Variants in PUS7 observed in about 807,000 individuals in gnomAD.
PUS7 encodes pseudouridine synthase 7, also known as pseudouridylate synthase 7 homolog.
In PUS7, 48 loss-of-function variants were observed where a neutral mutation model predicts 79.8. The observed-to-expected ratio is 0.60, with a 90% CI of 0.48 to 0.76. The LOEUF (loss-of-function observed/expected upper bound fraction) is 0.76. PUS7 is among the 30% of genes least tolerant of loss of function. The probability of loss-of-function intolerance (pLI) is 0.00; values close to 1 mark genes in which losing one functional copy is unlikely to be tolerated. For synonymous variants in PUS7, 286 were observed against 272.2 expected, an observed-to-expected ratio of 1.05 and a Z score of -0.50; for missense variants, 729 against 797.6, an observed-to-expected ratio of 0.91 and a Z score of 1.04.
intron 1 of PUS7, among the ~76,000 whole-genome samples, chr7:105,509,855 G>A (rs1396723196): frequency 6.6e-6 from 1 of 152,086 alleles, no homozygotes; most frequent in Non-Finnish European, 1.5e-5. Context: ...TAGCAACATT[G>A]ACAAGAAACT....
Position 105,478,453 on chromosome 7 carries a change from A to G in PUS7, c.1175+2599T>C, listed in dbSNP as rs139417286. 4.9e-4 allele frequency among the ~76,000 whole-genome samples: 74 copies of G among 152,290 alleles called. 1 individual carries two copies. Among genetic ancestry groups the G allele is most frequent in the African/African-American group, 1.7e-3 (71 of 41,564 alleles). On this transcript the variant is annotated intron_variant, in intron 9 of 15. Transcript: ENST00000469408. ...CCACCAGGAATGTATAAGGGTTCCA[A>G]TTTCTCTAATCCTAACACTTGTTAT...
At chr7:105,494,948 G>C (rs923125408) in intron 6 of PUS7, among the ~76,000 whole-genome samples, 194 bp downstream of exon 6, 6 of 145,366 alleles carry the variant, frequency 4.1e-5, no homozygotes, top group Non-Finnish European at 7.4e-5. Context: ...ATTCACTCCA[G>C]CCTGAGTGAC....
chr7:105,521,367 C>A (rs908444949), intron 1 of PUS7, among the ~76,000 whole-genome samples: 1 of 152,210 alleles, frequency 6.6e-6, no homozygotes, highest in African/African-American at 2.4e-5. Flanking sequence ...CTTCTAAACA[C>A]CTCTGCGCAG....
intron 9 of PUS7, among the ~76,000 whole-genome samples, chr7:105,476,904 A>G (rs770100241): frequency 1.3e-5 from 2 of 152,160 alleles, no homozygotes; most frequent in Non-Finnish European, 2.9e-5. Flanking sequence ...CATTTATTGA[A>G]ATCCTTTCTC....
At chr7:105,518,497 G>T (rs1825979925) in intron 1 of PUS7, among the ~76,000 whole-genome samples, 1 of 151,708 alleles carries the variant, frequency 6.6e-6, no homozygotes, top group Admixed American at 6.6e-5. Context: ...CGACCTCCCA[G>T]CTCAAGCGAT....
intron 5 of PUS7, among the ~76,000 whole-genome samples, chr7:105,497,886 C>T (rs1392052686): frequency 6.6e-6 from 1 of 152,188 alleles, no homozygotes; most frequent in Non-Finnish European, 1.5e-5. Context: ...CTCTATTTGA[C>T]TGCAAGTTTG....
intron 1 of PUS7, among the ~76,000 whole-genome samples, chr7:105,511,285 G>C (rs938864640): frequency 6.6e-6 from 1 of 150,912 alleles, no homozygotes. Flanking sequence ...TGCCCGCCTC[G>C]GCCTCCCAAA....
intron 9 of PUS7, among the ~76,000 whole-genome samples, chr7:105,478,999 T>C (rs117994971): frequency 1.3e-5 from 2 of 152,370 alleles, no homozygotes; most frequent in Non-Finnish European, 2.9e-5. Context: ...TACAGGTTGA[T>C]ACAGTGCTCC....
chr7:105,481,650 T>G (rs1824325184), intron 8 of PUS7, among the ~76,000 whole-genome samples: 1 of 152,108 alleles, frequency 6.6e-6, no homozygotes, highest in Admixed American at 6.6e-5. Flanking sequence ...TACCCTACCC[T>G]TTCCCCAGTA....
intron 10 of PUS7, among the ~76,000 whole-genome samples, chr7:105,471,826 C>T (rs547505780): frequency 6.6e-6 from 1 of 151,232 alleles, no homozygotes; most frequent in African/African-American, 2.4e-5. Context: ...GCAGGAGAAT[C>T]ACTTGAACCC....
In PUS7 at chr7:105,484,397, T is replaced by G. The variant is rs199585874; in HGVS notation, c.921-1957A>C. ...TAGGAGGCCTAGATGGGCAGATAGC[T>G]TGAGCCCAGGAGTTCAAGACCAGCC... is the stretch of plus-strand genomic sequence containing the variant. On this transcript the variant is annotated intron_variant, in intron 7 of 15. Transcript: ENST00000469408. 3.9e-5 allele frequency among the ~76,000 whole-genome samples: 6 copies of G among 152,118 alleles called. No individual in the cohort carries two copies. The East Asian group carries it at 1.2e-3, about 29-fold the overall frequency.
chr7:105,492,085 C>T (rs1586144610), intron 6 of PUS7, among the ~76,000 whole-genome samples: 1 of 145,390 alleles, frequency 6.9e-6, no homozygotes, highest in African/African-American at 2.6e-5. Flanking sequence ...ACTAAAACAA[C>T]ATAAATTCAT....
chr7:105,474,628 A>T (rs1361029337), intron 9 of PUS7, among the ~76,000 whole-genome samples: 10 of 150,106 alleles, frequency 6.7e-5, no homozygotes, highest in African/African-American at 1.2e-4. Flanking sequence ...AAAAAAAAAA[A>T]AAAATAATCG....
chr7:105,492,696 G>A (rs1402903008), intron 6 of PUS7, among the ~76,000 whole-genome samples: 3 of 151,394 alleles, frequency 2.0e-5, no homozygotes, highest in Admixed American at 6.6e-5. Flanking sequence ...TAGTAGAGAC[G>A]GGGTTTCACC....
rs1359869045 is a variant in PUS7 at position 105,472,213 on chromosome 7, AT to A, written c.1176-21del. On this transcript the variant is annotated intron_variant, in intron 9 of 15. Transcript: ENST00000469408. ...ATAGCTCTAAAATTAAACAACATTT[AT>A]TTTACTAAATTTTGCATAAAGATAA... The A allele has an allele frequency of 2.8e-6, 4 of 1,419,652 alleles. No homozygotes were observed. In the African/African-American group the frequency reaches 5.7e-5, roughly 20 times the overall value. 87.9% of individuals were successfully genotyped at this position (1,419,652 alleles called of 1,614,324 possible).
chr7:105,494,992 A>AAT, intron 6 of PUS7, 150 bp downstream of exon 6: 2 of 425,246 alleles, frequency 4.7e-6, no homozygotes, highest in African/African-American at 2.1e-5. Flanking sequence ...AAAAAAAAAA[A>AAT]GAAAGAAAGA....
At chr7:105,491,849 G>C (rs1824794962) in intron 6 of PUS7, among the ~76,000 whole-genome samples, 1 of 152,088 alleles carries the variant, frequency 6.6e-6, no homozygotes, top group Non-Finnish European at 1.5e-5. Context: ...CTGAGGTCAG[G>C]AGTTCAAGAC....
intron 1 of PUS7, among the ~76,000 whole-genome samples, chr7:105,516,896 T>G (rs1336686755): frequency 1.3e-5 from 2 of 152,116 alleles, no homozygotes; most frequent in Non-Finnish European, 2.9e-5. Context: ...AAATCAGTTT[T>G]GCAGTCAGGA....
chr7:105,479,753 T>C (rs1378436728), intron 9 of PUS7, among the ~76,000 whole-genome samples: 1 of 151,906 alleles, frequency 6.6e-6, no homozygotes, highest in African/African-American at 2.4e-5. Flanking sequence ...ATCCCAGCAC[T>C]TAGGGAGGCC....
Sources: allele counts gnomAD v4.1 joint callset (sites outside exome capture counted in the v4.1 genomes callset), GRCh38; gene constraint gnomAD v4.1.1; transcripts MANE v1.5; gene names NCBI Gene and HGNC (gene_info 2026-07-23, HGNC 2026-07-21).